ELAPOR2: variants seen among roughly 807,000 people sequenced by gnomAD.
ELAPOR2 encodes endosome-lysosome associated apoptosis and autophagy regulator family member 2.
A neutral mutation model predicts 120.7 loss-of-function variants in ELAPOR2; 89 were observed. The ratio of observed to expected loss-of-function variants is 0.74; its 90% CI spans 0.62 to 0.88. The LOEUF (loss-of-function observed/expected upper bound fraction) is 0.88. Among genes scored for constraint, ELAPOR2 ranks in the 40% least tolerant of loss-of-function variants. The pLI, the probability that ELAPOR2 is intolerant of heterozygous loss-of-function variation, is 0.00. For missense variants in ELAPOR2, 1,134 were observed against 1,251.6 expected (o/e 0.91, Z 1.42); for synonymous variants, 444 against 444.9 (o/e 1.00, Z 0.03).
chr7:86,945,524 G>C (rs1790964064), intron 3 of ELAPOR2, among the ~76,000 whole-genome samples: 1 of 152,130 alleles, frequency 6.6e-6, no homozygotes, highest in Non-Finnish European at 1.5e-5. Context: ...TGATGGACTT[G>C]GCTTTGAGTT....
At chr7:87,002,096 C>G (rs1382335070) in intron 1 of ELAPOR2, among the ~76,000 whole-genome samples, 1 of 152,128 alleles carries the variant, frequency 6.6e-6, no homozygotes, top group Non-Finnish European at 1.5e-5. Flanking sequence ...GTCAAGGAAC[C>G]CAGCCAGCTG....
intron 21 of ELAPOR2, among the ~76,000 whole-genome samples, chr7:86,881,775 T>C (rs937891102): frequency 9.8e-5 from 15 of 152,294 alleles, no homozygotes; most frequent in Non-Finnish European, 1.6e-4. Flanking sequence ...AGGGAGACTA[T>C]GCTAATAAAG....
At chr7:86,967,779 C>G (rs1244139967) in intron 1 of ELAPOR2, among the ~76,000 whole-genome samples, 1 of 152,210 alleles carries the variant, frequency 6.6e-6, no homozygotes, top group Non-Finnish European at 1.5e-5. Flanking sequence ...TTTATCCTAT[C>G]TGCCTTCTCT....
rs139786503 is a variant in ELAPOR2 at position 86,909,910 on chromosome 7, C to G, written c.2261G>C (p.Gly754Ala). The change falls in exon 16 of 22, where the codon GGG becomes GCG. Residue 754 changes from glycine (G) to alanine (A), a missense_variant. Physicochemically the swap from Gly to Ala is moderately conservative, Grantham distance 60. Coordinates refer to ENST00000450689, the MANE Select transcript of ELAPOR2 (RefSeq NM_001142749.3). ...AGSDDYTNLV[G>A]AFVCQSTIIP... ...AATTGTTGACTGGCATACAAATGCC[C>G]CTACCAAATTTGTGTAATCATCTGA... 9.1e-5 allele frequency: 146 copies of G among 1,612,734 alleles called. No individual in the cohort carries two copies. The African/African-American group carries it at 1.6e-3, about 18-fold the overall frequency.
chr7:87,054,036 T>C (rs1343527340), intron 1 of ELAPOR2, among the ~76,000 whole-genome samples: 1 of 152,184 alleles, frequency 6.6e-6, no homozygotes, highest in Non-Finnish European at 1.5e-5. Flanking sequence ...TATGTTTTGT[T>C]CATCCATTCA....
chr7:87,051,981 G>A (rs1795115425), intron 1 of ELAPOR2, among the ~76,000 whole-genome samples: 1 of 152,204 alleles, frequency 6.6e-6, no homozygotes, highest in African/African-American at 2.4e-5. Flanking sequence ...ATTAAGAAAT[G>A]CTTGCTGGAG....
intron 6 of ELAPOR2, among the ~76,000 whole-genome samples, chr7:86,939,415 G>A (rs1276402772): frequency 6.6e-6 from 1 of 152,002 alleles, no homozygotes; most frequent in Non-Finnish European, 1.5e-5. Context: ...TGACTAATGA[G>A]TTAACACATT....
chr7:86,938,961 C>A lies in ELAPOR2; in HGVS notation c.848-1G>T. Reference sequence around the variant, plus strand: ...AAACATTCTGATGTGTACGCCACCCCTGTGCAGTAATGAAAAACAGAGCAT... The same window carrying A: ...AAACATTCTGATGTGTACGCCACCCATGTGCAGTAATGAAAAACAGAGCAT... On this transcript the variant is annotated splice_acceptor_variant, in intron 6 of 21. Coordinates refer to ENST00000450689, the MANE Select transcript of ELAPOR2 (RefSeq NM_001142749.3). LOFTEE classifies it high-confidence loss of function. 6.2e-7 allele frequency: 1 copy of A among 1,612,792 alleles called. No individual in the cohort carries two copies. The highest frequency in any genetic ancestry group is 8.5e-7 in the Non-Finnish European group (1 of 1,179,214).
intron 1 of ELAPOR2, among the ~76,000 whole-genome samples, chr7:87,000,210 G>A (rs1349520502): frequency 6.6e-6 from 1 of 151,932 alleles, no homozygotes; most frequent in Non-Finnish European, 1.5e-5. Context: ...ACACACAAAA[G>A]GAGACGTATG....
chr7:87,030,377 C>A (rs1010584794), intron 1 of ELAPOR2, among the ~76,000 whole-genome samples: 1 of 151,554 alleles, frequency 6.6e-6, no homozygotes, highest in Non-Finnish European at 1.5e-5. Flanking sequence ...TAAAAGAATG[C>A]TTATCTTGTT....
chr7:87,019,333 T>C (rs1381640712), intron 1 of ELAPOR2, among the ~76,000 whole-genome samples: 1 of 152,102 alleles, frequency 6.6e-6, no homozygotes, highest in Non-Finnish European at 1.5e-5. Flanking sequence ...CAATTTAAGT[T>C]TTTGTATTTT....
intron 1 of ELAPOR2, among the ~76,000 whole-genome samples, chr7:87,029,442 A>C (rs1299724201): frequency 6.6e-6 from 1 of 152,216 alleles, no homozygotes; most frequent in Non-Finnish European, 1.5e-5. Context: ...ACTTGCAGCC[A>C]GATTGAGAGC....
At chr7:87,000,471 T>C (rs772799687) in intron 1 of ELAPOR2, among the ~76,000 whole-genome samples, 2 of 152,184 alleles carry the variant, frequency 1.3e-5, no homozygotes, top group Admixed American at 1.3e-4. Context: ...ATTTATCCTC[T>C]GGCCCAGACT....
intron 1 of ELAPOR2, among the ~76,000 whole-genome samples, chr7:86,991,287 C>A (rs1167522035): frequency 6.6e-6 from 1 of 152,094 alleles, no homozygotes; most frequent in Non-Finnish European, 1.5e-5. Context: ...GTTGAAGGAA[C>A]AAGCATATCC....
intron 2 of ELAPOR2, among the ~76,000 whole-genome samples, chr7:86,951,533 G>A (rs1021819026): frequency 2.0e-5 from 3 of 152,108 alleles, no homozygotes; most frequent in Non-Finnish European, 4.4e-5. Flanking sequence ...AAGTCAGAAG[G>A]AAAACTAAGA....
chr7:86,891,573 T>C, intron 21 of ELAPOR2, 151 bp downstream of exon 21: 1 of 584,420 alleles, frequency 1.7e-6, no homozygotes, highest in South Asian at 2.7e-5. Context: ...ATTGTATCTA[T>C]ATCATGTGCT....
chr7:87,051,077 G>C (rs1795086427), intron 1 of ELAPOR2, among the ~76,000 whole-genome samples: 1 of 152,168 alleles, frequency 6.6e-6, no homozygotes, highest in African/African-American at 2.4e-5. Flanking sequence ...GTCCACAAAG[G>C]AAGTGTTAAT....
chr7:86,919,343 A>G (rs765706325), intron 10 of ELAPOR2, 33 bp from the exon 11 acceptor site: 1 of 1,293,876 alleles, frequency 7.7e-7, no homozygotes, highest in East Asian at 2.4e-5. Flanking sequence ...TTATTAATAA[A>G]AATTCCATTA....
chr7:87,042,309 T>C (rs1311626058), intron 1 of ELAPOR2, among the ~76,000 whole-genome samples: 1 of 149,558 alleles, frequency 6.7e-6, no homozygotes, highest in Non-Finnish European at 1.5e-5. Flanking sequence ...AGAATATACA[T>C]TTTTTTCAGC....
Sources: gnomAD v4.1 joint callset for allele counts (sites outside exome capture counted in the v4.1 genomes callset) on GRCh38, gnomAD v4.1.1 for gene constraint, MANE v1.5 for transcripts, NCBI Gene and HGNC (gene_info 2026-07-23, HGNC 2026-07-21) for gene names.